The following RGS3 variants were observed in gnomAD, a reference collection of about 807,000 sequenced individuals.
The protein encoded by RGS3 is regulator of G protein signaling 3.
In RGS3, 80 loss-of-function variants were observed where a neutral mutation model predicts 132.6. The ratio of observed to expected loss-of-function variants is 0.60; its 90% CI spans 0.50 to 0.73. RGS3 has a LOEUF of 0.73. RGS3 is among the 30% of genes least tolerant of loss of function. RGS3 has a pLI of 0.00. For synonymous variants in RGS3, 598 were observed against 620.6 expected (o/e 0.96, Z 0.54); for missense variants, 1,382 against 1,530.8 (o/e 0.90, Z 1.62).
intron 16 of RGS3, among the ~76,000 whole-genome samples, chr9:113,520,615 G>A (rs1465528886): frequency 1.4e-5 from 2 of 145,308 alleles, no homozygotes; most frequent in African/African-American, 2.6e-5. Flanking sequence ...TCCCCTGCCA[G>A]CCTCCCTCTG....
chr9:113,551,897 A>G (rs1180888578), intron 19 of RGS3, among the ~76,000 whole-genome samples: 2 of 152,180 alleles, frequency 1.3e-5, no homozygotes, highest in African/African-American at 4.8e-5. Flanking sequence ...TGGCTGTAGC[A>G]TTCTACTTTC....
At chr9:113,577,560 G>A (rs1834589137) in intron 19 of RGS3, among the ~76,000 whole-genome samples, 1 of 152,224 alleles carries the variant, frequency 6.6e-6, no homozygotes, top group East Asian at 1.9e-4. Context: ...CACACATTCA[G>A]TGTAGGGCTT....
Position 113,474,605 on chromosome 9 carries a change from A to C in RGS3, c.416-4886A>C, listed in dbSNP as rs189800793. Among the ~76,000 whole-genome samples, 561 of 152,272 alleles carry C rather than the reference A, an allele frequency of 3.7e-3. 7 individuals are homozygous for C. Among genetic ancestry groups the C allele is most frequent in the African/African-American group, 0.013 (522 of 41,540 alleles). On this transcript the variant is annotated intron_variant, in intron 3 of 24. Coordinates refer to ENST00000350696, the Ensembl canonical transcript of RGS3. ...AAGACTTGAGTACAGACGTGTCCTC[A>C]TAAACGGAGGGGAAATCTGTGGATG...
intron 3 of RGS3, among the ~76,000 whole-genome samples, chr9:113,466,359 A>G (rs1829643705): frequency 6.6e-6 from 1 of 152,262 alleles, no homozygotes; most frequent in South Asian, 2.1e-4. Context: ...ACAGACATGT[A>G]AAGGGAGCAT....
chr9:113,477,494 G>C (rs1420696827), intron 3 of RGS3, among the ~76,000 whole-genome samples: 7 of 152,086 alleles, frequency 4.6e-5, no homozygotes, highest in South Asian at 2.1e-4. Flanking sequence ...AGACATGAAG[G>C]GTTCTCCAAA....
chr9:113,471,206 C>T (rs981584539), intron 3 of RGS3, among the ~76,000 whole-genome samples: 2 of 151,828 alleles, frequency 1.3e-5, no homozygotes, highest in Non-Finnish European at 1.5e-5. Context: ...TGGAGCAACC[C>T]TTCAGGGTCC....
chr9:113,565,360 GGT>G lies in RGS3; in HGVS notation c.2038-18083_2038-18082del, dbSNP rs1467121903. 1.1e-4 allele frequency: 143 copies of G among 1,289,976 alleles called. No homozygotes were observed. Among genetic ancestry groups the G allele is most frequent in the Non-Finnish European group, 1.4e-4 (139 of 988,834 alleles). 79.9% of individuals were successfully genotyped at this position (1,289,976 alleles called of 1,614,324 possible). A position where few individuals can be genotyped will look rare whatever the true frequency, so the allele number is the denominator to read the frequency against. On this transcript the variant is annotated intron_variant, in intron 19 of 24. Transcript: ENST00000350696. This position sits in a 1 kb window ranked among gnomAD's most constrained non-coding sequence, Gnocchi z 5.7. ...AGAGTGGCGGTGGCCGGCTAGACAG[GGT>G]GTGTGTTTGGGAAAGGCGCTGGAGG... is the stretch of plus-strand genomic sequence containing the variant.
At chr9:113,460,755 T>C (rs904078157) in intron 1 of RGS3, among the ~76,000 whole-genome samples, 5 of 152,204 alleles carry the variant, frequency 3.3e-5, no homozygotes, top group African/African-American at 1.2e-4. Flanking sequence ...TAAGTTTTCT[T>C]GGTTATTATT....
exon 5 of RGS3, chr9:113,483,081 C>T (rs940478988): frequency 1.2e-6 from 2 of 1,613,804 alleles, no homozygotes; most frequent in Admixed American, 1.7e-5. Flanking sequence ...AAGGCCTGAT[C>T]AGCAAACAGC....
At chr9:113,527,636 C>G (rs12346076) in intron 17 of RGS3, among the ~76,000 whole-genome samples, 18,132 of 152,116 alleles carry the variant, frequency 0.12, 1,293 homozygotes, top group African/African-American at 0.19. Flanking sequence ...TCTGGCTGTG[C>G]CTGGCAGCCC....
chr9:113,468,929 T>C (rs1166507473), intron 3 of RGS3, among the ~76,000 whole-genome samples: 2 of 151,982 alleles, frequency 1.3e-5, no homozygotes, highest in Non-Finnish European at 2.9e-5. Context: ...CGGGAGCAGC[T>C]CTAAATGTAG....
At chr9:113,558,598 C>T (rs1833665630) in intron 19 of RGS3, among the ~76,000 whole-genome samples, 1 of 152,014 alleles carries the variant, frequency 6.6e-6, no homozygotes, top group Non-Finnish European at 1.5e-5. Context: ...AGGATCGAGT[C>T]CCACTGTATG....
At chr9:113,588,599 A>G (rs930770479) in intron 20 of RGS3, among the ~76,000 whole-genome samples, 2 of 152,264 alleles carry the variant, frequency 1.3e-5, no homozygotes, top group African/African-American at 2.4e-5. Flanking sequence ...GGGAAATATC[A>G]GTAACTAGCT....
intron 8 of RGS3, among the ~76,000 whole-genome samples, chr9:113,496,841 G>T (rs375909505): frequency 6.6e-6 from 1 of 152,066 alleles, no homozygotes; most frequent in African/African-American, 2.4e-5. Context: ...GTGAGCCACC[G>T]CGCCCGGTCT....
chr9:113,536,694 G>T, intron 18 of RGS3, 102 bp from the exon 17 acceptor site: 2 of 1,525,416 alleles, frequency 1.3e-6, no homozygotes, highest in Non-Finnish European at 1.8e-6. Flanking sequence ...CCTCCTGGCT[G>T]CAGCCTCACC....
At position 113,514,101 on chromosome 9, in the gene RGS3, T is replaced by C. The variant is rs1438278127; in HGVS notation, c.1478-357T>C. On this transcript the variant is annotated intron_variant, in intron 14 of 24. Transcript: ENST00000350696. ...GACAGATCTTCTGATTTTTCAAATA[T>C]GAGCGATTTCTTGATTTTTAAAAGA... 2.0e-5 allele frequency among the ~76,000 whole-genome samples: 3 copies of C among 152,206 alleles called. No homozygotes were observed. In the East Asian group the frequency reaches 5.8e-4, roughly 29 times the overall value.
exon 20 of RGS3, chr9:113,584,116 A>G (rs1336132121): frequency 6.2e-6 from 10 of 1,614,122 alleles, no homozygotes. Flanking sequence ...GGATGAGGAC[A>G]CCAGCGATGA....
intron 19 of RGS3, chr9:113,581,894 T>C (rs1315649249): frequency 6.2e-6 from 2 of 321,002 alleles, no homozygotes; most frequent in Non-Finnish European, 9.0e-6. Flanking sequence ...CTGTGAGCCA[T>C]AGCCTAAGGC....
At chr9:113,584,101 G>T in exon 20 of RGS3, 1 of 1,614,232 alleles carries the variant, frequency 6.2e-7, no homozygotes. Context: ...AGGGGAGGAG[G>T]ACGAGGATGA....
Sources: gnomAD v4.1 joint callset for allele counts (sites outside exome capture counted in the v4.1 genomes callset) on GRCh38, gnomAD v4.1.1 for gene constraint, Gnocchi (gnomAD v3.1) non-coding constraint, MANE v1.5 for transcripts, NCBI Gene and HGNC (gene_info 2026-07-23, HGNC 2026-07-21) for gene names.